The following FSTL5 variants were observed in gnomAD, a reference collection of about 807,000 sequenced individuals.
The protein encoded by FSTL5 is follistatin-related protein 5.
In FSTL5, 62 loss-of-function variants were observed where a neutral mutation model predicts 89.1. That is an observed-to-expected ratio of 0.70 (90% CI 0.57 to 0.86). The LOEUF (loss-of-function observed/expected upper bound fraction) is 0.86. Ranked by LOEUF, FSTL5 falls within the 40% of genes least tolerant of loss-of-function variation. FSTL5 has a pLI of 0.00. For synonymous variants in FSTL5, 383 were observed against 346.2 expected, an observed-to-expected ratio of 1.11 and a Z score of -1.18; for missense variants, 1,057 against 1,001.6, an observed-to-expected ratio of 1.06 and a Z score of -0.75.
At chr4:161,421,436 A>C (rs1731988835) in intron 15 of FSTL5, among the ~76,000 whole-genome samples, 1 of 151,840 alleles carries the variant, frequency 6.6e-6, no homozygotes, top group Non-Finnish European at 1.5e-5. Context: ...AGGTTACTAC[A>C]TTTTCAGTTC....
chr4:162,066,757 T>C (rs1191488383), intron 2 of FSTL5, among the ~76,000 whole-genome samples: 2 of 152,048 alleles, frequency 1.3e-5, no homozygotes, highest in Non-Finnish European at 2.9e-5. Context: ...GCAAAGGACA[T>C]GAACTAATTC....
chr4:161,693,043 AT>A (rs1489872558), intron 6 of FSTL5, among the ~76,000 whole-genome samples: 3 of 152,104 alleles, frequency 2.0e-5, no homozygotes, highest in Non-Finnish European at 4.4e-5. Context: ...AATATTAGAC[AT>A]CTGGCCTCCA....
At chr4:161,415,550 C>T (rs111726925) in intron 15 of FSTL5, among the ~76,000 whole-genome samples, 10 of 152,002 alleles carry the variant, frequency 6.6e-5, no homozygotes, top group African/African-American at 7.2e-5. Flanking sequence ...TCACCACGCT[C>T]GGCCGTCTCT....
Position 162,049,709 on chromosome 4 carries a change from G to T in FSTL5, c.127-16051C>A, listed in dbSNP as rs145383578. On this transcript the variant is annotated intron_variant, in intron 2 of 15. Transcript: ENST00000306100. ...TTCTGTGAAACTTGACCTTGCAGATGAAAATAACTAGATCAATCAGAAGTA... is the reference window on the plus strand; with the variant it reads ...TTCTGTGAAACTTGACCTTGCAGATTAAAATAACTAGATCAATCAGAAGTA... 2.6e-3 allele frequency among the ~76,000 whole-genome samples: 399 copies of T among 152,158 alleles called. 2 individuals carry two copies. Among genetic ancestry groups the T allele is most frequent in the African/African-American group, 9.2e-3 (384 of 41,544 alleles).
chr4:161,446,759 C>T (rs1732961566), intron 15 of FSTL5, among the ~76,000 whole-genome samples: 1 of 151,864 alleles, frequency 6.6e-6, no homozygotes, highest in South Asian at 2.1e-4. Flanking sequence ...GAGCTCTGCC[C>T]CTCTCTTGTG....
intron 3 of FSTL5, among the ~76,000 whole-genome samples, chr4:161,951,426 T>C (rs1032065027): frequency 2.0e-5 from 3 of 152,144 alleles, no homozygotes; most frequent in African/African-American, 7.2e-5. Flanking sequence ...GTTTGTCTCT[T>C]TGAGATTTTA....
chr4:162,015,659 A>G (rs1002947700), intron 3 of FSTL5, among the ~76,000 whole-genome samples: 4 of 152,176 alleles, frequency 2.6e-5, no homozygotes, highest in African/African-American at 7.2e-5. Context: ...CAGTTTTGTT[A>G]AAAATGTCCT....
At chr4:161,407,499 G>A (rs78371947) in intron 15 of FSTL5, among the ~76,000 whole-genome samples, 1 of 152,164 alleles carries the variant, frequency 6.6e-6, no homozygotes, top group Non-Finnish European at 1.5e-5. Context: ...CCTGGAAAAG[G>A]GGTGAGTGAA....
chr4:161,391,885 A>C (rs537995373), intron 15 of FSTL5, among the ~76,000 whole-genome samples: 1 of 152,328 alleles, frequency 6.6e-6, no homozygotes, highest in East Asian at 1.9e-4. Context: ...AAGCTAAAAT[A>C]AACCACAGGC....
chr4:161,920,775 C>A (rs1733974156), intron 3 of FSTL5, 123 bp from the exon 4 acceptor site: 1 of 867,218 alleles, frequency 1.2e-6, no homozygotes, highest in East Asian at 2.7e-5. Context: ...ATTCAGGGCT[C>A]AATTTTCAGT....
intron 4 of FSTL5, among the ~76,000 whole-genome samples, chr4:161,859,376 T>G (rs28652892): frequency 2.2e-4 from 34 of 152,310 alleles, no homozygotes; most frequent in African/African-American, 8.2e-4. Flanking sequence ...CACATTTTAT[T>G]GGGTTATATC....
At chr4:161,709,870 C>G (rs1486907876) in intron 6 of FSTL5, among the ~76,000 whole-genome samples, 1 of 151,832 alleles carries the variant, frequency 6.6e-6, no homozygotes, top group Admixed American at 6.6e-5. Flanking sequence ...TAGAGTGGAA[C>G]AAAAATAAAA....
At chr4:161,658,755 C>T (rs1302982270) in intron 6 of FSTL5, among the ~76,000 whole-genome samples, 2 of 152,120 alleles carry the variant, frequency 1.3e-5, no homozygotes, top group African/African-American at 2.4e-5. Flanking sequence ...AAAGTAATGG[C>T]ATCATGTACA....
At chr4:161,958,329 T>G (rs141245909) in intron 3 of FSTL5, among the ~76,000 whole-genome samples, 1,667 of 152,258 alleles carry the variant, frequency 0.011, 28 homozygotes, top group African/African-American at 0.038. Flanking sequence ...TTGTAACTAC[T>G]GATATTTCTT....
At chr4:161,428,144 A>T (rs994963725) in intron 15 of FSTL5, among the ~76,000 whole-genome samples, 3 of 151,994 alleles carry the variant, frequency 2.0e-5, no homozygotes, top group African/African-American at 7.2e-5. Flanking sequence ...AGAAAGCAAC[A>T]TCAAGCAGAA....
chr4:161,693,503 G>A (rs13128940), intron 6 of FSTL5, among the ~76,000 whole-genome samples: 50,181 of 151,802 alleles, frequency 0.33, 9,821 homozygotes, highest in African/African-American at 0.54. Flanking sequence ...ATATTTTCTT[G>A]TAACAGATCT....
At chr4:161,459,108 T>G (rs1244251985) in intron 14 of FSTL5, 104 bp downstream of exon 14, 1 of 779,006 alleles carries the variant, frequency 1.3e-6, no homozygotes, top group Non-Finnish European at 2.1e-6. Context: ...AAAGCTGTAG[T>G]CCTCAGATGG....
chr4:162,045,195 C>G (rs998479838), intron 2 of FSTL5, among the ~76,000 whole-genome samples: 7 of 152,096 alleles, frequency 4.6e-5, no homozygotes, highest in Non-Finnish European at 4.4e-5. Flanking sequence ...TACAATTCTT[C>G]CTTTCACTTG....
At chr4:161,881,017 G>T (rs142870463) in intron 4 of FSTL5, among the ~76,000 whole-genome samples, 1 of 151,736 alleles carries the variant, frequency 6.6e-6, no homozygotes, top group South Asian at 2.1e-4. Flanking sequence ...AGAAGGGTGC[G>T]ATAAAGGTAA....
Sources: gnomAD v4.1 joint callset for allele counts (sites outside exome capture counted in the v4.1 genomes callset) on GRCh38, gnomAD v4.1.1 for gene constraint, MANE v1.5 for transcripts, NCBI Gene and HGNC (gene_info 2026-07-23, HGNC 2026-07-21) for gene names.